PDE4DIP: variants seen among roughly 807,000 people sequenced by gnomAD.
The protein encoded by PDE4DIP is myomegalin.
PDE4DIP carries 59 observed loss-of-function variants against 221.4 expected under a neutral mutation model. The observed-to-expected ratio is 0.27, with a 90% CI of 0.22 to 0.33. The LOEUF is 0.33. Among genes scored for constraint, PDE4DIP ranks in the 10% least tolerant of loss-of-function variants. PDE4DIP has a pLI of 1.00. For synonymous variants in PDE4DIP, 404 were observed against 815.9 expected, an observed-to-expected ratio of 0.50 and a Z score of 8.60; for missense variants, 1,036 against 2,154.2, an observed-to-expected ratio of 0.48 and a Z score of 10.28.
intron 21 of PDE4DIP, chr1:148,990,086 G>A (rs1461973057): frequency 9.7e-6 from 3 of 307,956 alleles, no homozygotes; most frequent in Non-Finnish European, 1.4e-5. Context: ...AGTTCATGGT[G>A]TAGATGAGGA....
chr1:149,025,294 A>C (rs1480258964), intron 38 of PDE4DIP, among the ~76,000 whole-genome samples: 8 of 152,040 alleles, frequency 5.3e-5, no homozygotes, highest in African/African-American at 1.4e-4. Flanking sequence ...GCCCTGTCTC[A>C]GTATTGCCGA....
exon 20 of PDE4DIP, chr1:148,979,749 C>T: frequency 1.2e-6 from 2 of 1,613,092 alleles, no homozygotes; most frequent in Non-Finnish European, 1.7e-6. Context: ...GCTGCTGATG[C>T]TAGAAGGACT....
At chr1:148,979,884 T>C (rs587641502) in intron 20 of PDE4DIP, 35 bp downstream of exon 23, 1 of 1,599,546 alleles carries the variant, frequency 6.3e-7, no homozygotes, top group East Asian at 2.3e-5. Flanking sequence ...TTATTCTTTA[T>C]TGAAATTTTT....
chr1:148,929,416 T>A, intron 2 of PDE4DIP, 143 bp downstream of exon 5: 1 of 1,225,192 alleles, frequency 8.2e-7, no homozygotes, highest in Non-Finnish European at 1.1e-6. Context: ...TAGATTTTCA[T>A]ATGCTGTGTT....
intron 26 of PDE4DIP, among the ~76,000 whole-genome samples, chr1:149,004,099 AAC>A (rs2066387508): frequency 6.6e-6 from 1 of 152,114 alleles, no homozygotes; most frequent in South Asian, 2.1e-4. Context: ...AGAGAAGAAA[AAC>A]ACAATCTCTC....
intron 41 of PDE4DIP, among the ~76,000 whole-genome samples, chr1:149,028,978 A>G (rs2075968204): frequency 6.6e-6 from 1 of 152,218 alleles, no homozygotes; most frequent in Admixed American, 6.5e-5. Context: ...CGGAGACATC[A>G]TAACCCTGGC....
At chr1:148,918,621 C>A (rs1192968493) in intron 1 of PDE4DIP, among the ~76,000 whole-genome samples, 3 of 94,270 alleles carry the variant, frequency 3.2e-5, no homozygotes, top group East Asian at 7.3e-4. Context: ...CTCTCTCTCT[C>A]TACACACACA....
At chr1:148,949,235 A>G (rs1403018449) in intron 5 of PDE4DIP, among the ~76,000 whole-genome samples, 1 of 151,626 alleles carries the variant, frequency 6.6e-6, no homozygotes, top group Non-Finnish European at 1.5e-5. Context: ...TAATGTAAAA[A>G]ATTATAGAAA....
chr1:148,885,007 A>G (rs1160075731), upstream of PDE4DIP, among the ~76,000 whole-genome samples: 1 of 149,226 alleles, frequency 6.7e-6, no homozygotes, highest in Admixed American at 6.8e-5. Flanking sequence ...TCAGCAGGTT[A>G]ATTACTCATC....
chr1:148,979,262 T>C (rs2060709859), intron 19 of PDE4DIP, among the ~76,000 whole-genome samples: 3 of 152,226 alleles, frequency 2.0e-5, no homozygotes, highest in Admixed American at 2.0e-4. Context: ...TAGCTCATTA[T>C]CTTTATAGCA....
At chr1:148,998,148 C>G in exon 23 of PDE4DIP, 1 of 1,080,594 alleles carries the variant, frequency 9.3e-7, no homozygotes, top group South Asian at 1.4e-5. Context: ...TTTAGCTTGT[C>G]AAGGTGGCTT....
intron 4 of PDE4DIP, among the ~76,000 whole-genome samples, chr1:148,937,510 T>G (rs2798885): frequency 3.9e-5 from 6 of 152,198 alleles, no homozygotes; most frequent in African/African-American, 1.4e-4. Context: ...ATCCATGGAT[T>G]AACTTCAGGA....
At chr1:148,899,007 T>G (rs1310385831) in intron 1 of PDE4DIP, among the ~76,000 whole-genome samples, 1 of 103,942 alleles carries the variant, frequency 9.6e-6, no homozygotes, top group Non-Finnish European at 1.8e-5. Context: ...AATTTTTGTA[T>G]TTTTAGTAGA....
At chr1:148,984,992 AAGGAAAGGTGACAAACT>A (rs2061668053) in intron 21 of PDE4DIP, 6 of 152,272 alleles carry the variant, frequency 3.9e-5, no homozygotes, top group African/African-American at 1.4e-4. Flanking sequence ...AGTATCCTGC[AAGGAAAGGTGACAAACT>A]TCCTGTGAAG....
chr1:148,907,183 C>G (rs2042046305), intron 1 of PDE4DIP, among the ~76,000 whole-genome samples: 1 of 138,506 alleles, frequency 7.2e-6, no homozygotes, highest in Non-Finnish European at 1.6e-5. Flanking sequence ...AGATAAGTCT[C>G]TTATGTGTTA....
intron 3 of PDE4DIP, among the ~76,000 whole-genome samples, chr1:148,876,950 G>T (rs587662748): frequency 1.4e-5 from 2 of 140,778 alleles, no homozygotes; most frequent in Non-Finnish European, 3.0e-5. Flanking sequence ...GGAGGCAGAG[G>T]TTGCAGTGAG....
chr1:148,949,589 A>G (rs1553486052), intron 5 of PDE4DIP, among the ~76,000 whole-genome samples: 1 of 152,258 alleles, frequency 6.6e-6, no homozygotes, highest in Non-Finnish European at 1.5e-5. Flanking sequence ...ACCATAGGTA[A>G]CCAGTTCAAC....
chr1:148,961,889 AGTC>A (rs2151688371), exon 7 of PDE4DIP: 1 of 1,609,786 alleles, frequency 6.2e-7, no homozygotes, highest in East Asian at 2.2e-5. Context: ...TGTGCTCAGG[AGTC>A]GTCTCAAAAG....
At chr1:148,871,052 A>G (rs1432694051) in intron 3 of PDE4DIP, among the ~76,000 whole-genome samples, 2 of 131,508 alleles carry the variant, frequency 1.5e-5, no homozygotes, top group Admixed American at 1.4e-4. Flanking sequence ...AGAAGCAGCC[A>G]GGAATCCCTT....
Sources: gnomAD v4.1 joint callset for allele counts (sites outside exome capture counted in the v4.1 genomes callset) on GRCh38, gnomAD v4.1.1 for gene constraint, MANE v1.5 for transcripts, NCBI Gene and HGNC (gene_info 2026-07-23, HGNC 2026-07-21) for gene names.